ACOXL: variants seen among roughly 807,000 people sequenced by gnomAD.
The protein encoded by ACOXL is acyl-CoA oxidase like, also known as acyl-coenzyme A oxidase-like protein.
In ACOXL, 70 loss-of-function variants were observed where a neutral mutation model predicts 71.9. The ratio of observed to expected loss-of-function variants is 0.97; its 90% CI spans 0.80 to 1.19. The LOEUF (loss-of-function observed/expected upper bound fraction) is 1.19, where lower values mean the gene tolerates loss of function less well. Ranked by LOEUF, ACOXL falls within the 50% of genes most tolerant of loss-of-function variation. The pLI is 0.00. For synonymous variants in ACOXL, 253 were observed against 281.6 expected, an observed-to-expected ratio of 0.90 and a Z score of 1.02; for missense variants, 703 against 736.3, an observed-to-expected ratio of 0.95 and a Z score of 0.52.
intron 3 of ACOXL, among the ~76,000 whole-genome samples, chr2:110,787,405 A>T (rs985235927): frequency 1.3e-5 from 2 of 151,630 alleles, no homozygotes; most frequent in Non-Finnish European, 2.9e-5. Context: ...GTGGTGGCAG[A>T]CGCCTGTAGT....
chr2:110,979,135 A>G (rs1400304720), intron 12 of ACOXL, among the ~76,000 whole-genome samples: 1 of 152,172 alleles, frequency 6.6e-6, no homozygotes, highest in Non-Finnish European at 1.5e-5. Flanking sequence ...GGACACATCC[A>G]CTTCCCTGAG....
At chr2:111,097,966 T>C (rs986844578) in intron 17 of ACOXL, among the ~76,000 whole-genome samples, 1 of 152,180 alleles carries the variant, frequency 6.6e-6, no homozygotes, top group Non-Finnish European at 1.5e-5. Flanking sequence ...TTTTAAAGAA[T>C]AGATTATGGA....
At chr2:110,793,286 ATCGAGGG>A (rs1410119636) in intron 3 of ACOXL, among the ~76,000 whole-genome samples, 6 of 152,188 alleles carry the variant, frequency 3.9e-5, no homozygotes, top group African/African-American at 9.7e-5. Flanking sequence ...ACGGGTCAGC[ATCGAGGG>A]TCATTGCACA....
intron 9 of ACOXL, among the ~76,000 whole-genome samples, chr2:110,838,650 T>C (rs898619587): frequency 1.3e-5 from 2 of 152,232 alleles, no homozygotes; most frequent in Admixed American, 1.3e-4. Flanking sequence ...ATTTGCCTCA[T>C]TGGTCTGTTC....
chr2:111,098,311 A>G (rs2068921977), intron 17 of ACOXL: 1 of 152,018 alleles, frequency 6.6e-6, no homozygotes, highest in Non-Finnish European at 1.5e-5. Context: ...CTGACGAGCT[A>G]AAAAAAACAA....
chr2:110,771,247 C>T (rs1012018716), intron 2 of ACOXL, among the ~76,000 whole-genome samples: 1 of 152,346 alleles, frequency 6.6e-6, no homozygotes, highest in African/African-American at 2.4e-5. Flanking sequence ...TGTTTGAAGG[C>T]TCTCAAATTC....
intron 10 of ACOXL, among the ~76,000 whole-genome samples, chr2:110,894,332 C>CA (rs11403220): frequency 0.35 from 42,721 of 120,384 alleles, 6,771 homozygotes; most frequent in Non-Finnish European, 0.4. Flanking sequence ...AGGAACAGAC[C>CA]AAAAAAAAAA....
chr2:110,794,096 G>A lies in ACOXL; in HGVS notation c.267G>A (p.Met89Ile), dbSNP rs1284970766. 1 of 1,614,196 alleles carries A rather than the reference G, an allele frequency of 6.2e-7. No individual in the cohort carries two copies. Among genetic ancestry groups the A allele is most frequent in the Non-Finnish European group, 8.5e-7 (1 of 1,180,026 alleles). The change falls in exon 5 of 18, where the codon ATG becomes ATA. Residue 89 changes from methionine to isoleucine, a missense_variant. Transcript: ENST00000439055. ...QPLQEQKYTG[M>I]FAMTERGHGS... is the part of the protein sequence containing the mutation. ...TCCAGGAGCAGAAATACACTGGGATGTTTGCAATGACCGAGAGGGGCCATG... is the reference window on the plus strand; with the variant it reads ...TCCAGGAGCAGAAATACACTGGGATATTTGCAATGACCGAGAGGGGCCATG...
intron 5 of ACOXL, 99 bp downstream of exon 5, chr2:110,794,273 T>C: frequency 4.3e-6 from 5 of 1,161,854 alleles, no homozygotes; most frequent in Non-Finnish European, 6.2e-6. Context: ...CCTCTGTGTG[T>C]GCTCTCTGGC....
chr2:111,043,582 C>T lies in ACOXL; in HGVS notation c.1370-5636C>T, dbSNP rs116534328. On this transcript the variant is annotated intron_variant, in intron 15 of 17. Coordinates refer to ENST00000439055, the MANE Select transcript of ACOXL (RefSeq NM_001142807.4). ...GTGCGGTCAGTGGAGAAGGAGTCAT[C>T]GATAAGGGGCCCCTGGCCAGGAGCC... Among the ~76,000 whole-genome samples the T allele has an allele frequency of 7.7e-3, 1,177 of 152,204 alleles. 17 individuals are homozygous for T. Among genetic ancestry groups the T allele is most frequent in the African/African-American group, 0.027 (1,109 of 41,526 alleles).
intron 10 of ACOXL, among the ~76,000 whole-genome samples, chr2:110,893,225 G>T (rs1382333574): frequency 6.6e-6 from 1 of 151,988 alleles, no homozygotes; most frequent in African/African-American, 2.4e-5. Context: ...ACTACCAATG[G>T]TTTAATTTTT....
chr2:110,915,348 A>G (rs1044957517), intron 11 of ACOXL, among the ~76,000 whole-genome samples: 5 of 127,150 alleles, frequency 3.9e-5, no homozygotes, highest in African/African-American at 8.5e-5. Context: ...ATATATATAT[A>G]TATGTGTGTG....
At chr2:110,735,192 T>C (rs960133621) in intron 1 of ACOXL, among the ~76,000 whole-genome samples, 1 of 152,230 alleles carries the variant, frequency 6.6e-6, no homozygotes, top group African/African-American at 2.4e-5. Context: ...AAGTTCATAT[T>C]GTACTATCAG....
At chr2:110,838,475 C>T (rs1471831557) in intron 9 of ACOXL, among the ~76,000 whole-genome samples, 1 of 152,160 alleles carries the variant, frequency 6.6e-6, no homozygotes, top group African/African-American at 2.4e-5. Context: ...ATGGAGGTTC[C>T]TAAGGCCTAG....
At chr2:110,852,105 T>G (rs977125597) in intron 10 of ACOXL, among the ~76,000 whole-genome samples, 12 of 152,238 alleles carry the variant, frequency 7.9e-5, no homozygotes, top group Middle Eastern at 3.4e-3. Context: ...TCCAGGCTGG[T>G]GTTTGTGGCA....
chr2:110,788,737 G>A (rs1011477661), intron 3 of ACOXL, among the ~76,000 whole-genome samples: 1 of 152,170 alleles, frequency 6.6e-6, no homozygotes, highest in African/African-American at 2.4e-5. Context: ...TCTTTTCCTG[G>A]AGCTTGGAAA....
chr2:111,044,617 C>T (rs188578121), intron 15 of ACOXL, among the ~76,000 whole-genome samples: 2 of 152,300 alleles, frequency 1.3e-5, no homozygotes, highest in Admixed American at 1.3e-4. Context: ...CCAATCTGAC[C>T]AGCAATATTT....
intron 15 of ACOXL, among the ~76,000 whole-genome samples, chr2:111,043,598 G>A (rs1429805725): frequency 6.6e-6 from 1 of 152,138 alleles, no homozygotes; most frequent in Admixed American, 6.5e-5. Flanking sequence ...GGGGCCCCTG[G>A]CCAGGAGCCT....
At chr2:110,762,814 T>C (rs1027321597) in intron 1 of ACOXL, among the ~76,000 whole-genome samples, 3 of 151,884 alleles carry the variant, frequency 2.0e-5, no homozygotes, top group Admixed American at 1.3e-4. Context: ...CACAACCACA[T>C]CCAGGTAATT....
Sources: allele counts gnomAD v4.1 joint callset (sites outside exome capture counted in the v4.1 genomes callset), GRCh38; gene constraint gnomAD v4.1.1; transcripts MANE v1.5; gene names NCBI Gene and HGNC (gene_info 2026-07-23, HGNC 2026-07-21).